CPNE2: variants seen among roughly 807,000 people sequenced by gnomAD.
CPNE2 encodes copine-2.
CPNE2 carries 42 observed loss-of-function variants against 69.7 expected under a neutral mutation model. The ratio of observed to expected loss-of-function variants is 0.60; its 90% CI spans 0.47 to 0.78. The LOEUF (loss-of-function observed/expected upper bound fraction) is 0.78. Among genes scored for constraint, CPNE2 ranks in the 30% least tolerant of loss-of-function variants. The pLI is 0.00. For missense variants in CPNE2, 587 were observed against 732.0 expected, an observed-to-expected ratio of 0.80 and a Z score of 2.29; for synonymous variants, 294 against 289.8, an observed-to-expected ratio of 1.01 and a Z score of -0.15.
chr16:57,116,241 T>A (rs2069718463), intron 4 of CPNE2, among the ~76,000 whole-genome samples: 1 of 152,296 alleles, frequency 6.6e-6, no homozygotes, highest in Non-Finnish European at 1.5e-5. Flanking sequence ...GGTGTTTTTT[T>A]AATCTCCTTC....
In CPNE2 at chr16:57,117,529, A is replaced by G. The variant is rs781522365; in HGVS notation, c.469A>G (p.Ile157Val). The part of the protein sequence containing the change: ...AAQELSDNRV[I>V]TLSLAGRRLD... ...CCAGGAGCTGTCCGACAACCGCGTCATCACACTAAGCCTGGCGGGCAGGAG... is the reference window on the plus strand; with the variant it reads ...CCAGGAGCTGTCCGACAACCGCGTCGTCACACTAAGCCTGGCGGGCAGGAG... Residue 157 changes from isoleucine (I) to valine (V), a missense_variant, in exon 5 of 16, where the codon ATC becomes GTC. Coordinates refer to ENST00000290776, the MANE Select transcript of CPNE2 (RefSeq NM_152727.6). 2 of 1,613,976 alleles carry G rather than the reference A, an allele frequency of 1.2e-6. No homozygotes were observed. Among genetic ancestry groups the G allele is most frequent in the Non-Finnish European group, 1.7e-6 (2 of 1,179,954 alleles).
chr16:57,115,944 T>C (rs892869160), intron 4 of CPNE2, among the ~76,000 whole-genome samples: 1 of 152,216 alleles, frequency 6.6e-6, no homozygotes, highest in Non-Finnish European at 1.5e-5. Flanking sequence ...CCGGATGAGC[T>C]CCTTGGTCTT....
chr16:57,135,950 A>AGGGAAG (rs1406893377), intron 13 of CPNE2, among the ~76,000 whole-genome samples: 1 of 134,812 alleles, frequency 7.4e-6, no homozygotes, highest in Non-Finnish European at 1.6e-5. Context: ...AAGGAAAGGA[A>AGGGAAG]GGGAAGGGGA....
intron 1 of CPNE2, among the ~76,000 whole-genome samples, chr16:57,108,547 C>T (rs2069661567): frequency 6.6e-6 from 1 of 152,212 alleles, no homozygotes; most frequent in African/African-American, 2.4e-5. Flanking sequence ...ACTGGGATGA[C>T]AGGGCCAGTG....
At chr16:57,139,702 C>T (rs560441092) in intron 14 of CPNE2, among the ~76,000 whole-genome samples, 8 of 152,176 alleles carry the variant, frequency 5.3e-5, no homozygotes, top group African/African-American at 1.4e-4. Context: ...TTTGCAAAGG[C>T]GGTTTCAATA....
intron 11 of CPNE2, among the ~76,000 whole-genome samples, chr16:57,126,340 G>T (rs146172789): frequency 1.3e-5 from 2 of 151,228 alleles, no homozygotes; most frequent in East Asian, 3.9e-4. Context: ...TGGAAAATTT[G>T]TTCCAGGTCC....
chr16:57,113,665 C>G (rs1040737976), intron 3 of CPNE2, among the ~76,000 whole-genome samples, 198 bp downstream of exon 3: 4 of 152,236 alleles, frequency 2.6e-5, no homozygotes, highest in Admixed American at 1.3e-4. Flanking sequence ...AAACAGAATG[C>G]CTCTCAGGAT....
In CPNE2 at chr16:57,092,811, C is replaced by G. The variant is rs1476944567; in HGVS notation, c.-36+21C>G. On this transcript the variant is annotated intron_variant, in intron 1 of 15. Coordinates refer to ENST00000290776, the MANE Select transcript of CPNE2 (RefSeq NM_152727.6). The surrounding 1 kb of genome is among the most constrained non-coding windows in gnomAD (Gnocchi z 5.3). ...CTGCGGTGAGTGGGGCCCGGGCAGG[C>G]GGGGCAGCTTGGCGTGAGTGCCCAA... 1 of 151,678 alleles carries G rather than the reference C, an allele frequency of 6.6e-6. No individual in the cohort carries two copies. Among genetic ancestry groups the G allele is most frequent in the Non-Finnish European group, 1.5e-5 (1 of 67,850 alleles). 9.4% of individuals were successfully genotyped at this position (151,678 alleles called of 1,614,324 possible).
Position 57,123,492 on chromosome 16 carries a change from G to T in CPNE2, c.927+19G>T, listed in dbSNP as rs1386302313. 2 of 1,611,856 alleles carry T rather than the reference G, an allele frequency of 1.2e-6. No homozygotes were observed. On this transcript the variant is annotated intron_variant, in intron 10 of 15. Coordinates refer to ENST00000290776, the MANE Select transcript of CPNE2 (RefSeq NM_152727.6). ...GTTCACCGTAAGGCTCTCCCCGCTG[G>T]CTCCCTCTGCACCCCCATCCCAGTG...
At chr16:57,123,769 G>A in intron 10 of CPNE2, 1 of 463,582 alleles carries the variant, frequency 2.2e-6, no homozygotes, top group South Asian at 3.3e-5. Flanking sequence ...TGGCCACAAG[G>A]CCTTCAGCGA....
intron 10 of CPNE2, chr16:57,125,463 T>C (rs1390638843): frequency 4.7e-6 from 2 of 423,636 alleles, no homozygotes; most frequent in Non-Finnish European, 9.6e-6. Context: ...GCATCTGAGT[T>C]GGGCCTGGAA....
intron 7 of CPNE2, among the ~76,000 whole-genome samples, chr16:57,120,745 T>C (rs1252209991): frequency 6.6e-6 from 1 of 152,114 alleles, no homozygotes; most frequent in African/African-American, 2.4e-5. Context: ...GTGATTTCTG[T>C]GCTCATCTCA....
intron 4 of CPNE2, among the ~76,000 whole-genome samples, chr16:57,115,896 T>G (rs2069716023): frequency 6.6e-6 from 1 of 152,228 alleles, no homozygotes; most frequent in Non-Finnish European, 1.5e-5. Context: ...ACTCCCGCGA[T>G]GCGCAGTAAT....
chr16:57,101,435 G>A (rs565898962), intron 1 of CPNE2, among the ~76,000 whole-genome samples: 105 of 152,308 alleles, frequency 6.9e-4, no homozygotes, highest in Middle Eastern at 3.4e-3. Flanking sequence ...ATCAGGGCCC[G>A]TAGGGAATGG....
intron 6 of CPNE2, 77 bp downstream of exon 6, chr16:57,119,355 G>A: frequency 1.4e-6 from 2 of 1,473,812 alleles, no homozygotes; most frequent in Non-Finnish European, 1.9e-6. Context: ...AAAAAGGGAG[G>A]TGCGGTCACA....
chr16:57,095,868 T>C (rs2069575300), intron 1 of CPNE2, among the ~76,000 whole-genome samples: 2 of 152,252 alleles, frequency 1.3e-5, no homozygotes, highest in African/African-American at 4.8e-5. Context: ...CATCTCCTGG[T>C]TGTATTTTTC....
At chr16:57,120,635 A>G (rs1545614) in intron 7 of CPNE2, among the ~76,000 whole-genome samples, 3 of 151,870 alleles carry the variant, frequency 2.0e-5, no homozygotes, top group Non-Finnish European at 4.4e-5. Context: ...GGGCAGGTAC[A>G]TCTCTTTCAG....
chr16:57,115,948 T>C (rs1366570773), intron 4 of CPNE2, among the ~76,000 whole-genome samples: 1 of 152,242 alleles, frequency 6.6e-6, no homozygotes, highest in African/African-American at 2.4e-5. Flanking sequence ...ATGAGCTCCT[T>C]GGTCTTCAAA....
intron 9 of CPNE2, 90 bp downstream of exon 9, chr16:57,121,850 G>A: frequency 7.8e-7 from 1 of 1,282,392 alleles, no homozygotes. Context: ...AGCCAGCGAG[G>A]CCTGTGTTCA....
Sources: allele counts gnomAD v4.1 joint callset (sites outside exome capture counted in the v4.1 genomes callset), GRCh38; gene constraint gnomAD v4.1.1; non-coding constraint Gnocchi (gnomAD v3.1); transcripts MANE v1.5; gene names NCBI Gene and HGNC (gene_info 2026-07-23, HGNC 2026-07-21).